Variants in RFX3 observed in about 807,000 individuals in gnomAD.
RFX3 encodes transcription factor RFX3.
RFX3 carries 14 observed loss-of-function variants against 98.6 expected under a neutral mutation model. The observed-to-expected ratio is 0.14, with a 90% CI of 0.09 to 0.22. RFX3 has a LOEUF of 0.22. Ranked by LOEUF, RFX3 falls within the 10% of genes least tolerant of loss-of-function variation. The pLI, the probability that RFX3 is intolerant of heterozygous loss-of-function variation, is 1.00. For missense variants in RFX3, 639 were observed against 926.9 expected (o/e 0.69, Z 4.03); for synonymous variants, 383 against 328.4 (o/e 1.17, Z -1.80).
At chr9:3,257,280 AG>A in intron 13 of RFX3, 81 bp from the exon 14 acceptor site, 1 of 1,118,900 alleles carries the variant, frequency 8.9e-7, no homozygotes, top group Non-Finnish European at 1.3e-6. Context: ...ACTAGATGCA[AG>A]AACAGAAAAT....
chr9:3,299,590 G>C (rs113660169), intron 5 of RFX3, among the ~76,000 whole-genome samples: 3,208 of 151,786 alleles, frequency 0.021, 63 homozygotes, highest in Non-Finnish European at 0.033. Flanking sequence ...TCCACATACT[G>C]AAGTGTCTCT....
chr9:3,441,564 T>A (rs2132693747), intron 1 of RFX3, among the ~76,000 whole-genome samples: 1 of 151,904 alleles, frequency 6.6e-6, no homozygotes, highest in Non-Finnish European at 1.5e-5. Flanking sequence ...TAAAATGTGC[T>A]CAACAAAAAA....
chr9:3,411,890 A>C (rs978710146), intron 1 of RFX3, among the ~76,000 whole-genome samples: 1 of 152,078 alleles, frequency 6.6e-6, no homozygotes, highest in Non-Finnish European at 1.5e-5. Context: ...AAAATACTCT[A>C]CATATATAAG....
chr9:3,236,140 C>A (rs960485303), intron 15 of RFX3, among the ~76,000 whole-genome samples: 1 of 152,062 alleles, frequency 6.6e-6, no homozygotes, highest in African/African-American at 2.4e-5. Context: ...ATCAATTAAT[C>A]TTTTATGATA....
intron 1 of RFX3, among the ~76,000 whole-genome samples, chr9:3,410,579 G>C (rs1842383735): frequency 6.6e-6 from 1 of 152,082 alleles, no homozygotes; most frequent in South Asian, 2.1e-4. Flanking sequence ...GTGTAATTTT[G>C]GGGTGTGAGA....
chr9:3,374,034 C>T (rs571479891), intron 2 of RFX3, among the ~76,000 whole-genome samples: 28 of 152,190 alleles, frequency 1.8e-4, no homozygotes, highest in Non-Finnish European at 2.9e-4. Context: ...GTCGAGATGG[C>T]ACCACTACAC....
chr9:3,332,729 C>T (rs554574896), intron 3 of RFX3, among the ~76,000 whole-genome samples: 1 of 152,224 alleles, frequency 6.6e-6, no homozygotes, highest in South Asian at 2.1e-4. Flanking sequence ...TGGTATTAGC[C>T]ATGTTATCAA....
At chr9:3,386,597 T>C (rs777176265) in intron 2 of RFX3, among the ~76,000 whole-genome samples, 33 of 151,988 alleles carry the variant, frequency 2.2e-4, no homozygotes, top group African/African-American at 7.7e-4. Flanking sequence ...TATGAAGTAG[T>C]CCTCAAAGAA....
chr9:3,297,084 C>T (rs1473818414), intron 5 of RFX3, among the ~76,000 whole-genome samples: 2 of 152,062 alleles, frequency 1.3e-5, no homozygotes, highest in Non-Finnish European at 2.9e-5. Flanking sequence ...AACCTAAAGG[C>T]ACAGGCTCCA....
At chr9:3,329,199 G>A (rs943300646) in intron 4 of RFX3, among the ~76,000 whole-genome samples, 7 of 151,894 alleles carry the variant, frequency 4.6e-5, no homozygotes, top group Non-Finnish European at 7.4e-5. Context: ...CGAAGGTCAG[G>A]AGTTCGAGAC....
intron 4 of RFX3, among the ~76,000 whole-genome samples, chr9:3,329,620 G>A (rs956403674): frequency 3.3e-5 from 5 of 151,950 alleles, no homozygotes; most frequent in African/African-American, 1.2e-4. Context: ...TTTACATATG[G>A]CACATGGGTA....
At chr9:3,307,183 C>T (rs940785607) in intron 4 of RFX3, among the ~76,000 whole-genome samples, 1 of 152,122 alleles carries the variant, frequency 6.6e-6, no homozygotes, top group African/African-American at 2.4e-5. Flanking sequence ...CATTAAACCG[C>T]TTTCCTTTGT....
At position 3,288,162 on chromosome 9, in the gene RFX3, T is replaced by C; in HGVS notation, c.820A>G (p.Met274Val). The change falls in exon 7 of 17, where the codon ATG becomes GTG. Residue 274 changes from methionine (M) to valine (V), a missense_variant. Met to Val is a conservative substitution (Grantham distance 21). Transcript: ENST00000617270. ...RLQEDMQYMA[M>V]RQQPMQQKQR... ...TTCTGTTGCATGGGTTGTTGTCTCA[T>C]AGCCATATACTGCATGTCTTCTTGC... is the stretch of plus-strand genomic sequence containing the variant. 6.2e-7 allele frequency: 1 copy of C among 1,612,900 alleles called. No homozygotes were observed. The highest frequency in any genetic ancestry group is 8.5e-7 in the Non-Finnish European group (1 of 1,179,050).
At chr9:3,227,548 G>C (rs1212408563) in intron 16 of RFX3, among the ~76,000 whole-genome samples, 1 of 152,190 alleles carries the variant, frequency 6.6e-6, no homozygotes, top group Non-Finnish European at 1.5e-5. Context: ...ACAGAAGACT[G>C]TGGTTCAGCA....
chr9:3,227,235 A>G (rs1443720765), intron 16 of RFX3, among the ~76,000 whole-genome samples: 8 of 152,228 alleles, frequency 5.3e-5, no homozygotes, highest in African/African-American at 1.9e-4. Flanking sequence ...AGTGGAGACA[A>G]AGTGAGGAAA....
chr9:3,424,886 C>T (rs1296448495), intron 1 of RFX3, among the ~76,000 whole-genome samples: 4 of 151,966 alleles, frequency 2.6e-5, no homozygotes, highest in African/African-American at 9.7e-5. Flanking sequence ...CTTCAAGTGG[C>T]GATGAGAGTT....
chr9:3,262,851 G>A, intron 13 of RFX3, 84 bp downstream of exon 13: 7 of 1,414,674 alleles, frequency 4.9e-6, no homozygotes, highest in Non-Finnish European at 6.9e-6. Context: ...ATGAGACTTT[G>A]AAAAGAAATT....
chr9:3,450,737 A>G (rs1012209842), intron 1 of RFX3, among the ~76,000 whole-genome samples: 3 of 151,846 alleles, frequency 2.0e-5, no homozygotes, highest in African/African-American at 7.3e-5. Context: ...ATCAAGTGAT[A>G]TCATTACAGA....
intron 1 of RFX3, among the ~76,000 whole-genome samples, chr9:3,410,425 G>A (rs1842368086): frequency 6.6e-6 from 1 of 151,824 alleles, no homozygotes; most frequent in South Asian, 2.1e-4. Flanking sequence ...TATACAAACT[G>A]ACTCTATTTA....
Sources: allele counts gnomAD v4.1 joint callset (sites outside exome capture counted in the v4.1 genomes callset), GRCh38; gene constraint gnomAD v4.1.1; transcripts MANE v1.5; gene names NCBI Gene and HGNC (gene_info 2026-07-23, HGNC 2026-07-21).